PGBD2: variants seen among roughly 807,000 people sequenced by gnomAD.
The protein encoded by PGBD2 is piggyBac transposable element derived 2, also known as piggyBac transposable element-derived protein 2.
PGBD2 carries 6 observed loss-of-function variants against 8.1 expected under a neutral mutation model. The observed-to-expected ratio is 0.74, with a 90% confidence interval of 0.40 to 1.46. PGBD2 has a LOEUF of 1.46. PGBD2 is among the 40% of genes most tolerant of loss of function. The pLI, the probability that PGBD2 is intolerant of heterozygous loss-of-function variation, is 0.02. For missense variants in PGBD2, 802 were observed against 739.0 expected (o/e 1.09, Z -0.99); for synonymous variants, 318 against 272.2 (o/e 1.17, Z -1.66).
At chr1:248,882,327 A>T in the PGBD2 span, among the ~76,000 whole-genome samples, 4 of 152,340 alleles carry the variant, frequency 2.6e-5, no homozygotes, top group South Asian at 6.2e-4. Context: ...CTTTAACATA[A>T]CATCTGTATG....
chr1:248,925,837 G>A, the PGBD2 span, among the ~76,000 whole-genome samples: 1 of 152,086 alleles, frequency 6.6e-6, no homozygotes, highest in Non-Finnish European at 1.5e-5. Context: ...CCAAGGCCCT[G>A]GCTCCAGGAT....
chr1:248,911,654 CT>C (rs1379230211), intron 1 of PGBD2, among the ~76,000 whole-genome samples: 11 of 148,234 alleles, frequency 7.4e-5, no homozygotes, highest in Admixed American at 4.0e-4. Context: ...GACGGGGCGG[CT>C]GGCCGGGCAG....
Position 248,917,987 on chromosome 1 carries a change from A to G in PGBD2, c.1403A>G (p.Gln468Arg), listed in dbSNP as rs1289637942. The G allele has an allele frequency of 6.2e-6, 10 of 1,614,228 alleles. No homozygotes were observed. The East Asian group carries it at 2.2e-4, about 36-fold the overall frequency. ...GTGGGTGGCGTTGGTAGGATGGATC[A>G]GAATATTGCCAAGTACAAGGTGAAG... ...EKVGGVGRMDQNIAKYKVKIR... is the reference protein window; with the variant it reads ...EKVGGVGRMDRNIAKYKVKIR... The change falls in exon 3 of 3, where the codon CAG (glutamine) becomes CGG (arginine). Residue 468 changes from glutamine (Q) to arginine (R), a missense_variant. Gln to Arg is a conservative substitution (Grantham distance 43, BLOSUM62 1). Transcript: ENST00000329291.
chr1:248,883,209 C>T, the PGBD2 span, among the ~76,000 whole-genome samples: 3 of 151,518 alleles, frequency 2.0e-5, no homozygotes, highest in East Asian at 2.0e-4. Flanking sequence ...CCACAACCTC[C>T]GCCTCCCAGG....
the PGBD2 span, among the ~76,000 whole-genome samples, chr1:248,879,057 C>G: frequency 6.6e-6 from 1 of 152,130 alleles, no homozygotes; most frequent in Admixed American, 6.5e-5. Flanking sequence ...ATGTCGTTAC[C>G]TTTTGATTTG....
chr1:248,899,639 A>G, the PGBD2 span, among the ~76,000 whole-genome samples: 1 of 152,102 alleles, frequency 6.6e-6, no homozygotes, highest in African/African-American at 2.4e-5. Context: ...TCAAAAAGCC[A>G]GAAAGAGCTC....
At chr1:248,890,205 C>T in the PGBD2 span, among the ~76,000 whole-genome samples, 2 of 152,104 alleles carry the variant, frequency 1.3e-5, no homozygotes, top group African/African-American at 2.4e-5. Context: ...GGGTTACAGG[C>T]GTGAGTCTCT....
At chr1:248,890,806 C>A in the PGBD2 span, among the ~76,000 whole-genome samples, 194 of 151,112 alleles carry the variant, frequency 1.3e-3, no homozygotes, top group Middle Eastern at 3.4e-3. Context: ...GCACCACACA[C>A]CACACACACA....
chr1:248,891,542 T>G, the PGBD2 span, among the ~76,000 whole-genome samples: 3 of 152,294 alleles, frequency 2.0e-5, no homozygotes, highest in African/African-American at 7.2e-5. Flanking sequence ...TTAAGAAATA[T>G]TTTTGGGCCA....
rs549880074 is a variant in PGBD2, at chr1:248,917,701, A to T, written c.1117A>T (p.Thr373Ser). ...LRKKGVKATG[T>S]VREYRTERCP... ...GAAAAAGGGGGTGAAAGCCACAGGA[A>T]CTGTTCGTGAGTACAGGACTGAGCG... is the stretch of plus-strand genomic sequence containing the variant. The change falls in exon 3 of 3, where the codon ACT becomes TCT. Residue 373 changes from threonine to serine, a missense_variant. Thr to Ser is a moderately conservative substitution (Grantham distance 58). Transcript: ENST00000329291. 2 of 1,614,218 alleles carry T rather than the reference A, an allele frequency of 1.2e-6. No homozygotes were observed. Among genetic ancestry groups the T allele is most frequent in the East Asian group, 4.5e-5 (2 of 44,886 alleles).
At position 248,917,680 on chromosome 1, in the gene PGBD2, AAG is replaced by A. The variant is rs150352847; in HGVS notation, c.1097_1098del (p.Lys366ArgfsTer10). 8.5e-5 allele frequency: 138 copies of A among 1,614,216 alleles called. No individual in the cohort carries two copies. Among genetic ancestry groups the A allele is most frequent in the Non-Finnish European group, 9.8e-5 (116 of 1,180,028 alleles). ...TAAACTGATGTCCATTTTGAGGAAA[AAG>A]GGGGTGAAAGCCACAGGAACTGTTC... ...SVKLMSILRK[K>X]GVKATGTVRE... On this transcript the variant is annotated frameshift_variant, in exon 3 of 3. Transcript: ENST00000329291. LOFTEE classifies it low-confidence loss of function (END_TRUNC).
At chr1:248,897,315 C>T in the PGBD2 span, among the ~76,000 whole-genome samples, 2 of 140,896 alleles carry the variant, frequency 1.4e-5, no homozygotes, top group South Asian at 2.1e-4. Context: ...TGTGAGGTCC[C>T]GTGCCAGCCG....
rs537310198 is a variant in PGBD2 at position 248,908,566 on chromosome 1, C to G, written c.-48+2224C>G. ...CTCTCCATAGGCCCCACCCTTTTGC[C>G]GTAGCCTTTTTGTCCATCTCCCTGC... On this transcript the variant is annotated intron_variant, in intron 1 of 2. Coordinates refer to ENST00000329291, the MANE Select transcript of PGBD2 (RefSeq NM_170725.3). 2.0e-5 allele frequency among the ~76,000 whole-genome samples: 3 copies of G among 152,244 alleles called. No homozygotes were observed. The South Asian group carries it at 6.2e-4, about 32-fold the overall frequency.
chr1:248,880,070 A>G, the PGBD2 span, among the ~76,000 whole-genome samples: 1 of 152,214 alleles, frequency 6.6e-6, no homozygotes, highest in South Asian at 2.1e-4. Context: ...TGATCCTTCC[A>G]TAAACCAGGT....
chr1:248,875,312 A>AC, the PGBD2 span, among the ~76,000 whole-genome samples: 72 of 144,502 alleles, frequency 5.0e-4, no homozygotes, highest in African/African-American at 1.5e-3. Context: ...ACAAAACAAA[A>AC]AAAAAAAAAA....
intron 1 of PGBD2, among the ~76,000 whole-genome samples, chr1:248,912,019 T>C (rs1374594142): frequency 6.6e-6 from 1 of 152,140 alleles, no homozygotes; most frequent in Non-Finnish European, 1.5e-5. Flanking sequence ...TATCTTAAAA[T>C]GAGAAGTTAA....
the PGBD2 span, among the ~76,000 whole-genome samples, chr1:248,877,081 A>G: frequency 1.3e-5 from 2 of 152,338 alleles, 1 homozygote; most frequent in African/African-American, 4.8e-5. Flanking sequence ...GTAATTCATT[A>G]AAACAATATT....
chr1:248,881,975 G>C, the PGBD2 span, among the ~76,000 whole-genome samples: 1 of 152,164 alleles, frequency 6.6e-6, no homozygotes, highest in Admixed American at 6.5e-5. Context: ...GCAGTAAAAA[G>C]TGCATAGAGC....
In PGBD2 at chr1:248,917,557, G is replaced by C. The variant is rs368057614; in HGVS notation, c.973G>C (p.Asp325His). The C allele has an allele frequency of 6.2e-7, 1 of 1,614,224 alleles. No homozygotes were observed. The highest frequency in any genetic ancestry group is 1.3e-5 in the African/African-American group (1 of 75,054). ...TLFTKPDRSL[D>H]LGGSMVIKFV... ...GTTTACCAAGCCAGACAGGAGCTTGGATCTAGGAGGCAGTATGGTAATAAA... is the reference window on the plus strand; with the variant it reads ...GTTTACCAAGCCAGACAGGAGCTTGCATCTAGGAGGCAGTATGGTAATAAA... The change falls in exon 3 of 3, where the codon GAT becomes CAT. Residue 325 changes from aspartate (D) to histidine (H), a missense_variant. Transcript: ENST00000329291.
Sources: gnomAD v4.1 joint callset for allele counts (sites outside exome capture counted in the v4.1 genomes callset) on GRCh38, gnomAD v4.1.1 for gene constraint, MANE v1.5 for transcripts, NCBI Gene and HGNC (gene_info 2026-07-23, HGNC 2026-07-21) for gene names.